Variants in HIPK2 observed in about 807,000 individuals in gnomAD.
The protein encoded by HIPK2 is homeodomain interacting protein kinase 2.
HIPK2 carries 27 observed loss-of-function variants against 113.7 expected under a neutral mutation model. The ratio of observed to expected loss-of-function variants is 0.24; its 90% CI spans 0.17 to 0.33. The LOEUF (loss-of-function observed/expected upper bound fraction) is 0.33, where lower values mean the gene tolerates loss of function less well. HIPK2 is among the 10% of genes least tolerant of loss of function. The probability of loss-of-function intolerance (pLI) is 1.00; values close to 1 mark genes in which losing one functional copy is unlikely to be tolerated. For synonymous variants in HIPK2, 631 were observed against 642.2 expected, an observed-to-expected ratio of 0.98 and a Z score of 0.26; for missense variants, 1,257 against 1,588.0, an observed-to-expected ratio of 0.79 and a Z score of 3.54.
chr7:139,615,147 A>G (rs1376870039), intron 7 of HIPK2, among the ~76,000 whole-genome samples: 1 of 152,218 alleles, frequency 6.6e-6, no homozygotes, highest in Admixed American at 6.5e-5. Flanking sequence ...TGGTCTCAGT[A>G]CCCAGAGCTT....
At chr7:139,676,789 T>G (rs1005701684) in intron 2 of HIPK2, among the ~76,000 whole-genome samples, 1 of 152,056 alleles carries the variant, frequency 6.6e-6, no homozygotes, top group Non-Finnish European at 1.5e-5. Context: ...TGAATTAAAC[T>G]GAAATTAATA....
intron 2 of HIPK2, among the ~76,000 whole-genome samples, chr7:139,690,135 G>A (rs1794356106): frequency 6.6e-6 from 1 of 152,152 alleles, no homozygotes; most frequent in African/African-American, 2.4e-5. Context: ...AAGCGCTTGG[G>A]AAATGAGCTG....
chr7:139,649,398 A>G (rs1293210950), intron 2 of HIPK2, among the ~76,000 whole-genome samples: 3 of 152,206 alleles, frequency 2.0e-5, no homozygotes, highest in Non-Finnish European at 4.4e-5. Context: ...TATTGAGCAA[A>G]TAAGACTAGT....
chr7:139,626,542 G>A (rs184885153), intron 6 of HIPK2, 59 bp downstream of exon 6: 1 of 1,543,784 alleles, frequency 6.5e-7, no homozygotes, highest in Non-Finnish European at 8.8e-7. Flanking sequence ...AAAATATTTA[G>A]TGTCTGGGCC....
intron 2 of HIPK2, among the ~76,000 whole-genome samples, chr7:139,665,845 T>C (rs901201341): frequency 2.6e-5 from 4 of 152,220 alleles, no homozygotes; most frequent in African/African-American, 7.2e-5. Flanking sequence ...CAAATGTCTG[T>C]AATGTGACTT....
chr7:139,584,117 A>G, intron 12 of HIPK2, 53 bp from the exon 13 acceptor site: 1 of 1,542,714 alleles, frequency 6.5e-7, no homozygotes, highest in South Asian at 1.3e-5. Flanking sequence ...GAGGTGAGAC[A>G]CCCAACTAGC....
intron 1 of HIPK2, among the ~76,000 whole-genome samples, chr7:139,754,965 A>G (rs948137772): frequency 2.6e-5 from 4 of 152,184 alleles, no homozygotes; most frequent in Non-Finnish European, 5.9e-5. Flanking sequence ...AGAGATCTCC[A>G]TAAGTACTTT....
chr7:139,576,200 G>A (rs1268832852), intron 13 of HIPK2, among the ~76,000 whole-genome samples: 1 of 152,254 alleles, frequency 6.6e-6, no homozygotes, highest in Non-Finnish European at 1.5e-5. Flanking sequence ...TCCGGGGAAT[G>A]GCCCTGTGAG....
intron 1 of HIPK2, among the ~76,000 whole-genome samples, chr7:139,717,486 C>G (rs1043468165): frequency 6.6e-6 from 1 of 152,198 alleles, no homozygotes; most frequent in African/African-American, 2.4e-5. Context: ...GGCCCCATCA[C>G]CAGGCCACTC....
rs2116890989 is a variant in HIPK2 at position 139,630,560 on chromosome 7, G to T, written c.1347+605C>A. Among the ~76,000 whole-genome samples, 1 of 152,242 alleles carries T rather than the reference G, an allele frequency of 6.6e-6. No homozygotes were observed. Among genetic ancestry groups the T allele is most frequent in the South Asian group, 2.1e-4 (1 of 4,826 alleles). ...TTACAGGAGCATGCCACCACGCCCA[G>T]CTAATTTTTATACTTTTAGTAGAGA... On this transcript the variant is annotated intron_variant, in intron 4 of 14. Coordinates refer to ENST00000406875, the MANE Select transcript of HIPK2 (RefSeq NM_022740.5). The surrounding 1 kb of genome is among the most constrained non-coding windows in gnomAD (Gnocchi z 4.0).
At chr7:139,661,260 G>A (rs191747937) in intron 2 of HIPK2, among the ~76,000 whole-genome samples, 3 of 152,100 alleles carry the variant, frequency 2.0e-5, no homozygotes, top group Non-Finnish European at 4.4e-5. Context: ...AGAACAATCC[G>A]ACACCCAATA....
chr7:139,572,790 C>T lies in HIPK2; in HGVS notation c.*137G>A, dbSNP rs1468488705. 1.4e-5 allele frequency: 3 copies of T among 216,236 alleles called. No homozygotes were observed. The highest frequency in any genetic ancestry group is 4.9e-5 in the African/African-American group (2 of 40,810). The allele number at this position is 216,236 out of a possible 1,614,324, so 13.4% of individuals were successfully genotyped here. A position where few individuals can be genotyped will look rare whatever the true frequency, so the allele number is the denominator to read the frequency against. The stretch of plus-strand genomic sequence containing the variant: ...CCCCCCCCCCCCCCCCCGCCCCTGC[C>T]CCGTTTGCATTGTTTGTGTGCGGCA... On this transcript the variant is annotated 3_prime_UTR_variant, in exon 15 of 15. Transcript: ENST00000406875.
intron 1 of HIPK2, among the ~76,000 whole-genome samples, chr7:139,747,227 G>A (rs2117097244): frequency 6.6e-6 from 1 of 152,276 alleles, no homozygotes; most frequent in Non-Finnish European, 1.5e-5. Context: ...CTGGAGGCAG[G>A]GTGGCAACTG....
intron 1 of HIPK2, among the ~76,000 whole-genome samples, chr7:139,763,482 CCA>C (rs59809984): frequency 0.019 from 2,530 of 135,182 alleles, 189 homozygotes; most frequent in Admixed American, 0.061. Context: ...GCCCCCCCCC[CCA>C]CACGCCCCTC....
chr7:139,600,334 G>A lies in HIPK2; in HGVS notation c.2435+83C>T, dbSNP rs556015990. 5.5e-6 allele frequency: 8 copies of A among 1,461,702 alleles called. No homozygotes were observed. In the East Asian group the frequency reaches 1.6e-4, roughly 30 times the overall value. The allele number at this position is 1,461,702 out of a possible 1,614,324, so 90.5% of individuals were successfully genotyped here. On this transcript the variant is annotated intron_variant, in intron 11 of 14. Coordinates refer to ENST00000406875, the MANE Select transcript of HIPK2 (RefSeq NM_022740.5). ...TGCAACTGTCCCATGTTCAGAGTGGGTGCTGATACTCCCTAAACTACATTT... is the reference window on the plus strand; with the variant it reads ...TGCAACTGTCCCATGTTCAGAGTGGATGCTGATACTCCCTAAACTACATTT...
intron 2 of HIPK2, among the ~76,000 whole-genome samples, chr7:139,675,739 G>C (rs956394034): frequency 1.3e-5 from 2 of 152,192 alleles, no homozygotes; most frequent in Non-Finnish European, 2.9e-5. Flanking sequence ...GAGGTTTCTG[G>C]AGCTGTGAGG....
intron 6 of HIPK2, among the ~76,000 whole-genome samples, chr7:139,623,732 AC>A (rs1569456980): frequency 6.6e-6 from 1 of 152,016 alleles, no homozygotes; most frequent in Non-Finnish European, 1.5e-5. Flanking sequence ...TGGTGGTGCC[AC>A]CCACTCACTT....
chr7:139,578,329 A>G (rs949706800), intron 13 of HIPK2, among the ~76,000 whole-genome samples: 6 of 152,056 alleles, frequency 3.9e-5, no homozygotes, highest in Non-Finnish European at 8.8e-5. Flanking sequence ...TATTTTTGGT[A>G]GAGACAGAGT....
rs748878383 is a variant in HIPK2 at position 139,573,197 on chromosome 7, C to T, written c.3327G>A (p.Ala1109=). The part of the protein sequence containing the change: ...QPHLYTYTAP[A]ALGSTGTVAH... ...CCACGGTGCCGGTGGAGCCCAGGGC[C>T]GCCGGCGCAGTGTAGGTGTAGAGGT... The change falls in exon 15 of 15, where the codon GCG becomes GCA. Residue 1109 remains alanine (A), a synonymous_variant. Coordinates refer to ENST00000406875, the MANE Select transcript of HIPK2 (RefSeq NM_022740.5). 5 of 1,606,744 alleles carry T rather than the reference C, an allele frequency of 3.1e-6. No homozygotes were observed. The highest frequency in any genetic ancestry group is 1.7e-5 in the Admixed American group (1 of 59,902).
Sources: gnomAD v4.1 joint callset for allele counts (sites outside exome capture counted in the v4.1 genomes callset) on GRCh38, gnomAD v4.1.1 for gene constraint, Gnocchi (gnomAD v3.1) non-coding constraint, MANE v1.5 for transcripts, NCBI Gene and HGNC (gene_info 2026-07-23, HGNC 2026-07-21) for gene names.